Variants in GLO1 observed in about 807,000 individuals in gnomAD.
The protein encoded by GLO1 is glyoxalase I.
In GLO1, 28 loss-of-function variants were observed where a neutral mutation model predicts 26.0. The observed-to-expected ratio is 1.08, with a 90% CI of 0.80 to 1.48. The LOEUF (loss-of-function observed/expected upper bound fraction) is 1.48. GLO1 is among the 40% of genes most tolerant of loss of function. The pLI is 0.00. For synonymous variants in GLO1, 78 were observed against 77.6 expected, an observed-to-expected ratio of 1.00 and a Z score of -0.03; for missense variants, 225 against 224.8, an observed-to-expected ratio of 1.00 and a Z score of -0.01.
rs1582771437 is a variant in GLO1, at chr6:38,677,080, C to T, written c.*215G>A. ...TTACCTAAAAAATAAAGTTACACAA[C>T]TATATTCAAGGACATGAGATAAAGC... On this transcript the variant is annotated 3_prime_UTR_variant, in exon 6 of 6. Coordinates refer to ENST00000373365, the MANE Select transcript of GLO1 (RefSeq NM_006708.3). 2.4e-5 allele frequency: 13 copies of T among 545,674 alleles called. No homozygotes were observed. The South Asian group carries it at 2.6e-4, about 11-fold the overall frequency. The allele number at this position is 545,674 out of a possible 1,614,324, so 33.8% of individuals were successfully genotyped here. A position where few individuals can be genotyped will look rare whatever the true frequency, so the allele number is the denominator to read the frequency against.
rs550574450 is a variant in GLO1 at position 38,692,140 on chromosome 6, T to C, written c.85-5166A>G. ...AACATGTATATTGATTTGGGGAGAA[T>C]TGATATCCTTACTGTGCTGAGTCTT... On this transcript the variant is annotated intron_variant, in intron 1 of 5. Transcript: ENST00000373365. 2.0e-5 allele frequency among the ~76,000 whole-genome samples: 3 copies of C among 152,284 alleles called. No homozygotes were observed. In the South Asian group the frequency reaches 6.2e-4, roughly 32 times the overall value.
intron 5 of GLO1, among the ~76,000 whole-genome samples, chr6:38,679,010 A>G (rs1016937936): frequency 1.7e-5 from 2 of 120,390 alleles, no homozygotes; most frequent in Non-Finnish European, 3.7e-5. Flanking sequence ...AGGGGAAAAA[A>G]GCTCAGAGGC....
Position 38,696,377 on chromosome 6 carries a change from A to C in GLO1, c.84+6594T>G, listed in dbSNP as rs144584686. Among the ~76,000 whole-genome samples the C allele has an allele frequency of 1.1e-3, 165 of 152,346 alleles. 1 individual carries two copies. In the East Asian group the frequency reaches 0.013, roughly 12 times the overall value. On this transcript the variant is annotated intron_variant, in intron 1 of 5. Transcript: ENST00000373365. The stretch of plus-strand genomic sequence containing the variant: ...TCTCCATTGCCTCTTATCTTAGTCC[A>C]TTTAGGCTGCTGTAACAAAAATTCC...
At chr6:38,683,687 A>G (rs2127546399) in intron 3 of GLO1, among the ~76,000 whole-genome samples, 1 of 152,186 alleles carries the variant, frequency 6.6e-6, no homozygotes, top group South Asian at 2.1e-4. Context: ...GGAGATCGAG[A>G]CCATCCTGGC....
intron 1 of GLO1, among the ~76,000 whole-genome samples, chr6:38,692,606 G>A (rs1342925680): frequency 6.6e-6 from 1 of 151,872 alleles, no homozygotes; most frequent in African/African-American, 2.4e-5. Flanking sequence ...AGACATCCTT[G>A]TCTTATTACC....
At chr6:38,691,985 T>A (rs186057733) in intron 1 of GLO1, among the ~76,000 whole-genome samples, 1 of 152,356 alleles carries the variant, frequency 6.6e-6, no homozygotes, top group African/African-American at 2.4e-5. Context: ...GCTATGTAAG[T>A]CTTAAAATCA....
intron 1 of GLO1, among the ~76,000 whole-genome samples, chr6:38,696,659 A>G (rs1421087413): frequency 3.9e-5 from 6 of 152,180 alleles, no homozygotes; most frequent in African/African-American, 1.4e-4. Flanking sequence ...TACCTGCCTC[A>G]GGGATTAGGA....
chr6:38,681,588 T>A (rs753132021), intron 5 of GLO1, among the ~76,000 whole-genome samples: 1 of 152,120 alleles, frequency 6.6e-6, no homozygotes, highest in African/African-American at 2.4e-5. Context: ...ACAAAGGTTA[T>A]AAAAGATGAA....
At chr6:38,701,923 C>A (rs9470918) in intron 1 of GLO1, among the ~76,000 whole-genome samples, 1 of 150,626 alleles carries the variant, frequency 6.6e-6, no homozygotes, top group Non-Finnish European at 1.5e-5. Context: ...GGTTACTGTG[C>A]CTGAATTTTT....
intron 1 of GLO1, among the ~76,000 whole-genome samples, chr6:38,702,573 G>C (rs530130605): frequency 6.6e-6 from 1 of 152,308 alleles, no homozygotes; most frequent in East Asian, 1.9e-4. Flanking sequence ...ACTGCAGTCA[G>C]GGTGGTAAGG....
At chr6:38,685,059 G>A (rs1761442379) in intron 2 of GLO1, among the ~76,000 whole-genome samples, 1 of 152,154 alleles carries the variant, frequency 6.6e-6, no homozygotes, top group South Asian at 2.1e-4. Context: ...AGATACTGTA[G>A]AAAGGTCAAA....
chr6:38,696,016 C>T (rs1458934209), intron 1 of GLO1, among the ~76,000 whole-genome samples: 3 of 152,134 alleles, frequency 2.0e-5, no homozygotes, highest in African/African-American at 7.2e-5. Flanking sequence ...CAGAGTCTTC[C>T]AATGTTTGTC....
At chr6:38,698,599 G>A (rs1303453663) in intron 1 of GLO1, among the ~76,000 whole-genome samples, 2 of 148,350 alleles carry the variant, frequency 1.3e-5, no homozygotes, top group African/African-American at 2.5e-5. Context: ...AGTGGAGACA[G>A]ATACAGATAG....
intron 5 of GLO1, among the ~76,000 whole-genome samples, chr6:38,681,313 T>G (rs1413470753): frequency 2.0e-5 from 3 of 152,168 alleles, no homozygotes; most frequent in Non-Finnish European, 2.9e-5. Context: ...CCGCCCGCCT[T>G]GGCCTCCCAA....
At chr6:38,691,763 AAGGG>A (rs1761535441) in intron 1 of GLO1, among the ~76,000 whole-genome samples, 1 of 151,728 alleles carries the variant, frequency 6.6e-6, no homozygotes, top group Non-Finnish European at 1.5e-5. Flanking sequence ...TTTTTGGTAT[AAGGG>A]ATGAGAATTG....
rs542109882 is a variant in GLO1, at chr6:38,700,105, G to A, written c.84+2866C>T. On this transcript the variant is annotated intron_variant, in intron 1 of 5. Transcript: ENST00000373365. ...CTACTGATATGTGATGTCACCCCCC[G>A]GCAGCCCAGCTGTAAAATTCCTCTC... Among the ~76,000 whole-genome samples, 47 of 152,296 alleles carry A rather than the reference G, an allele frequency of 3.1e-4. 1 individual carries two copies. Among genetic ancestry groups the A allele is most frequent in the South Asian group, 8.3e-4 (4 of 4,828 alleles).
At chr6:38,693,685 C>CTCTCTCTATATATA (rs869232489) in intron 1 of GLO1, among the ~76,000 whole-genome samples, 54 of 86,430 alleles carry the variant, frequency 6.2e-4, no homozygotes, top group East Asian at 2.4e-3. Context: ...CTCTCTCTCT[C>CTCTCTCTATATATA]TATATATATA....
At chr6:38,691,602 C>G (rs969285926) in intron 1 of GLO1, among the ~76,000 whole-genome samples, 2 of 152,090 alleles carry the variant, frequency 1.3e-5, no homozygotes, top group Admixed American at 6.6e-5. Context: ...CCACCGCAAC[C>G]GCCAAGAAAA....
At chr6:38,689,728 C>T (rs796543731) in intron 1 of GLO1, among the ~76,000 whole-genome samples, 10 of 152,184 alleles carry the variant, frequency 6.6e-5, no homozygotes, top group African/African-American at 2.4e-4. Flanking sequence ...GGGCGGATCA[C>T]GAGGTCAGGA....
Sources: gnomAD v4.1 joint callset for allele counts (sites outside exome capture counted in the v4.1 genomes callset) on GRCh38, gnomAD v4.1.1 for gene constraint, MANE v1.5 for transcripts, NCBI Gene and HGNC (gene_info 2026-07-23, HGNC 2026-07-21) for gene names.